SRI: variants seen among roughly 807,000 people sequenced by gnomAD.
SRI encodes the protein sorcin, also known as 22 kDa protein.
Under a neutral mutation model 33.3 loss-of-function variants are expected in SRI, and 30 were observed. The observed-to-expected ratio is 0.90, with a 90% CI of 0.67 to 1.22. SRI has a LOEUF of 1.22. Ranked by LOEUF, SRI falls within the 50% of genes most tolerant of loss-of-function variation. The pLI is 0.00. For missense variants in SRI, 243 were observed against 250.8 expected, an observed-to-expected ratio of 0.97 and a Z score of 0.21; for synonymous variants, 75 against 89.9, an observed-to-expected ratio of 0.83 and a Z score of 0.94.
intron 7 of SRI, among the ~76,000 whole-genome samples, chr7:88,206,999 G>A (rs1851451500): frequency 1.3e-5 from 2 of 152,156 alleles, no homozygotes; most frequent in South Asian, 4.1e-4. Context: ...CACAGAAACA[G>A]AACAGCTAAC....
At chr7:88,209,835 C>T (rs543760304) in intron 5 of SRI, 148 bp downstream of exon 5, 11 of 1,004,372 alleles carry the variant, frequency 1.1e-5, no homozygotes, top group African/African-American at 6.4e-5. Flanking sequence ...AGGCTGGTCT[C>T]GAACTCCCGA....
At chr7:88,213,077 A>C (rs1295719222) in intron 3 of SRI, among the ~76,000 whole-genome samples, 1 of 152,120 alleles carries the variant, frequency 6.6e-6, no homozygotes, top group Non-Finnish European at 1.5e-5. Context: ...CCTCTCCACC[A>C]ATAATCAATC....
chr7:88,219,233 A>G (rs1459452727), intron 1 of SRI: 2 of 404,230 alleles, frequency 4.9e-6, no homozygotes, highest in African/African-American at 4.1e-5. Flanking sequence ...AGGTGAGTGC[A>G]AACTAGGTAA....
At chr7:88,224,721 A>T (rs1315953983), upstream of SRI, among the ~76,000 whole-genome samples, 1 of 152,142 alleles carries the variant, frequency 6.6e-6, no homozygotes, top group Non-Finnish European at 1.5e-5. Context: ...TAATTTTTTC[A>T]AGGGATAGAA....
upstream of SRI, chr7:88,220,050 C>T (rs1851849386): frequency 2.0e-6 from 3 of 1,517,552 alleles, no homozygotes; most frequent in South Asian, 2.4e-5. Context: ...CCGCAGCCGC[C>T]CTCGCCCTGT....
In SRI at chr7:88,217,104, T is replaced by C. The variant is rs777455340; in HGVS notation, c.205+18A>G. On this transcript the variant is annotated intron_variant, in intron 3 of 7. Coordinates refer to ENST00000265729, the MANE Select transcript of SRI (RefSeq NM_003130.4). ...ACACAAGAGTATATTTAGACAAACT[T>C]TGGGACTGTCAACTTACGTTTGTAT... is the stretch of plus-strand genomic sequence containing the variant. The C allele has an allele frequency of 7.4e-6, 12 of 1,611,784 alleles. No homozygotes were observed. The highest frequency in any genetic ancestry group is 1.0e-5 in the Non-Finnish European group (12 of 1,178,076).
chr7:88,211,193 C>A (rs933946334), intron 3 of SRI, among the ~76,000 whole-genome samples: 3 of 152,188 alleles, frequency 2.0e-5, no homozygotes, highest in African/African-American at 7.2e-5. Context: ...TGGCTCACGC[C>A]TGTAATCCCA....
At chr7:88,210,852 A>AT in intron 4 of SRI, 30 bp downstream of exon 4, 1 of 1,604,012 alleles carries the variant, frequency 6.2e-7, no homozygotes, top group East Asian at 2.2e-5. Context: ...AGAAAAAATT[A>AT]TTCTAGACAA....
At chr7:88,213,477 C>A (rs1032820781) in intron 3 of SRI, among the ~76,000 whole-genome samples, 1 of 152,314 alleles carries the variant, frequency 6.6e-6, no homozygotes, top group Non-Finnish European at 1.5e-5. Context: ...GACACAACTT[C>A]CCCATCCCAC....
intron 2 of SRI, among the ~76,000 whole-genome samples, chr7:88,217,668 AC>A (rs1446273812): frequency 1.3e-5 from 2 of 152,336 alleles, no homozygotes; most frequent in East Asian, 3.9e-4. Flanking sequence ...CTGGGAAAGA[AC>A]TAGATATATG....
At chr7:88,220,185 C>A, upstream of SRI, 1 of 1,313,370 alleles carries the variant, frequency 7.6e-7, no homozygotes, top group Non-Finnish European at 9.6e-7. Flanking sequence ...TGCGCGCGGC[C>A]GTGGCTCCCC....
chr7:88,209,894 G>A (rs879290315), intron 5 of SRI, 89 bp downstream of exon 5: 57 of 1,553,742 alleles, frequency 3.7e-5, no homozygotes, highest in Middle Eastern at 1.7e-4. Flanking sequence ...GGGATTACAG[G>A]TGTGAGCCAC....
chr7:88,206,552 G>A lies in SRI; in HGVS notation c.571-48C>T, dbSNP rs189419256. The A allele has an allele frequency of 1.8e-4, 291 of 1,607,280 alleles. No homozygotes were observed. In the African/African-American group the frequency reaches 3.3e-3, roughly 18 times the overall value. ...ATGACAGACCTCAAAGCACTTATAC[G>A]GCACAGCCTATTTCTGGCAGCTTAC... On this transcript the variant is annotated intron_variant, in intron 7 of 7. Coordinates refer to ENST00000265729, the MANE Select transcript of SRI (RefSeq NM_003130.4).
chr7:88,207,503 GTTTT>G (rs921030148), intron 7 of SRI, among the ~76,000 whole-genome samples: 2 of 141,696 alleles, frequency 1.4e-5, no homozygotes, highest in African/African-American at 2.9e-5. Flanking sequence ...AATTCTACAA[GTTTT>G]TTTGTTTGTT....
rs140421867 is a variant in SRI at position 88,213,111 on chromosome 7, C to T, written c.206-2186G>A. ...TCACCTTCTAAACAGCTGTAGAGTC[C>T]ATTTCCAGCCCCACTGTCTCCTTAG... On this transcript the variant is annotated intron_variant, in intron 3 of 7. Coordinates refer to ENST00000265729, the MANE Select transcript of SRI (RefSeq NM_003130.4). 1.3e-3 allele frequency among the ~76,000 whole-genome samples: 204 copies of T among 152,284 alleles called. 2 individuals carry two copies. Among genetic ancestry groups the T allele is most frequent in the African/African-American group, 4.7e-3 (196 of 41,548 alleles).
chr7:88,206,832 C>T (rs1196172229), intron 7 of SRI, among the ~76,000 whole-genome samples: 1 of 152,124 alleles, frequency 6.6e-6, no homozygotes, highest in Non-Finnish European at 1.5e-5. Flanking sequence ...AAGACACTTA[C>T]CACAAACACA....
At chr7:88,207,843 A>C (rs1851469866) in intron 7 of SRI, 1 of 152,326 alleles carries the variant, frequency 6.6e-6, no homozygotes, top group African/African-American at 2.4e-5. Context: ...ATACAAAAAA[A>C]CTTAACCAGG....
chr7:88,210,967 A>C (rs1332989012), intron 3 of SRI, 42 bp from the exon 4 acceptor site: 1 of 1,470,534 alleles, frequency 6.8e-7, no homozygotes, highest in South Asian at 1.1e-5. Context: ...ACACAAATCC[A>C]AAAATTCACA....
rs1851566851 is a variant in SRI, at chr7:88,211,096, A to G, written c.206-171T>C. 1.3e-5 allele frequency among the ~76,000 whole-genome samples: 2 copies of G among 152,328 alleles called. 1 individual carries two copies. Among genetic ancestry groups the G allele is most frequent in the Non-Finnish European group, 2.9e-5 (2 of 68,020 alleles). On this transcript the variant is annotated intron_variant, in intron 3 of 7. Coordinates refer to ENST00000265729, the MANE Select transcript of SRI (RefSeq NM_003130.4). The stretch of plus-strand genomic sequence containing the variant: ...ACTTCAAAGTAGCCTTTTCTCCATA[A>G]AGAAGATTTTTTGCTAGGAACCCAA...
Sources: allele counts gnomAD v4.1 joint callset (sites outside exome capture counted in the v4.1 genomes callset), GRCh38; gene constraint gnomAD v4.1.1; transcripts MANE v1.5; gene names NCBI Gene and HGNC (gene_info 2026-07-23, HGNC 2026-07-21).